Variants in GARNL3 observed in about 807,000 individuals in gnomAD.
GARNL3 encodes the protein GTPase-activating Rap/Ran-GAP domain-like protein 3.
Under a neutral mutation model 125.0 loss-of-function variants are expected in GARNL3, and 63 were observed. That is an observed-to-expected ratio of 0.50 (90% CI 0.41 to 0.62). GARNL3 has a LOEUF of 0.62. GARNL3 is among the 20% of genes least tolerant of loss of function. GARNL3 has a pLI of 0.00. For missense variants in GARNL3, 994 were observed against 1,244.0 expected (o/e 0.80, Z 3.02); for synonymous variants, 439 against 457.5 (o/e 0.96, Z 0.52).
At chr9:127,246,642 C>T (rs1055113119) in intron 2 of GARNL3, among the ~76,000 whole-genome samples, 11 of 152,124 alleles carry the variant, frequency 7.2e-5, no homozygotes, top group Non-Finnish European at 1.6e-4. Flanking sequence ...CCCGTCTCTA[C>T]TAAAAATACA....
chr9:127,293,345 A>G (rs2064483500), intron 2 of GARNL3, among the ~76,000 whole-genome samples: 1 of 152,208 alleles, frequency 6.6e-6, no homozygotes, highest in African/African-American at 2.4e-5. Flanking sequence ...TTTTTTATAT[A>G]GTCTGGATAA....
intron 1 of GARNL3, among the ~76,000 whole-genome samples, chr9:127,285,768 T>C (rs538721552): frequency 6.6e-6 from 1 of 152,334 alleles, no homozygotes; most frequent in South Asian, 2.1e-4. Flanking sequence ...TTATTTGATG[T>C]CTTTTTCTCC....
At chr9:127,344,666 G>A (rs973340967) in intron 15 of GARNL3, among the ~76,000 whole-genome samples, 1 of 152,184 alleles carries the variant, frequency 6.6e-6, no homozygotes, top group Non-Finnish European at 1.5e-5. Context: ...AGAGTGAGGA[G>A]CCGATTTGGG....
intron 3 of GARNL3, 62 bp from the exon 4 acceptor site, chr9:127,313,379 T>C (rs2065147358): frequency 3.4e-6 from 4 of 1,172,316 alleles, no homozygotes; most frequent in Non-Finnish European, 5.2e-6. Context: ...TGCAGTGTCC[T>C]CTACCATCTG....
intron 22 of GARNL3, among the ~76,000 whole-genome samples, chr9:127,374,732 C>T (rs1225233686): frequency 6.6e-6 from 1 of 151,996 alleles, no homozygotes; most frequent in Non-Finnish European, 1.5e-5. Flanking sequence ...TAAATAAGCA[C>T]ATGAAAAGGT....
At position 127,231,237 on chromosome 9, in the gene GARNL3, T is replaced by A. The variant is rs1042251984; in HGVS notation, c.-29+6899T>A. Among the ~76,000 whole-genome samples the A allele has an allele frequency of 1.2e-3, 171 of 139,332 alleles. 2 individuals are homozygous for A. The highest frequency in any genetic ancestry group is 4.5e-3 in the African/African-American group (167 of 37,118). 91.4% of individuals were successfully genotyped at this position (139,332 alleles called of 152,430 possible). On this transcript the variant is annotated intron_variant, in intron 1 of 10. Transcript: ENST00000439286. ...GCCCAGCTAATTTTTTGTTTTTTTT[T>A]TTTTTTTTGTATTTTTAGTAGAGAC...
At chr9:127,331,587 T>C (rs926236888) in intron 7 of GARNL3, among the ~76,000 whole-genome samples, 5 of 152,012 alleles carry the variant, frequency 3.3e-5, no homozygotes, top group African/African-American at 9.7e-5. Context: ...CCTGCCCCTG[T>C]TCCTCTGTCT....
intron 21 of GARNL3, chr9:127,362,623 T>C (rs1373045365): frequency 6.6e-6 from 1 of 152,194 alleles, no homozygotes; most frequent in Admixed American, 6.5e-5. Flanking sequence ...CTAGCTGAGA[T>C]AGTGAAGTAA....
Position 127,343,308 on chromosome 9 carries a change from A to G in GARNL3, c.1252-927A>G, listed in dbSNP as rs369781227. On this transcript the variant is annotated intron_variant, in intron 14 of 27. Transcript: ENST00000373387. ...CCAGGACCCTAAAGAGCAAACCTCAATTGGTAATCTCTCAATTCCGTAAGG... is the reference window on the plus strand; with the variant it reads ...CCAGGACCCTAAAGAGCAAACCTCAGTTGGTAATCTCTCAATTCCGTAAGG... Among the ~76,000 whole-genome samples, 25 of 152,264 alleles carry G rather than the reference A, an allele frequency of 1.6e-4. No individual in the cohort carries two copies. In the South Asian group the frequency reaches 4.6e-3, roughly 28 times the overall value.
At chr9:127,254,656 C>T (rs773486644) in intron 2 of GARNL3, among the ~76,000 whole-genome samples, 2 of 152,010 alleles carry the variant, frequency 1.3e-5, no homozygotes, top group Non-Finnish European at 2.9e-5. Context: ...GTAATCCCAG[C>T]CACTCGGGAG....
intron 20 of GARNL3, 71 bp from the exon 21 acceptor site, chr9:127,357,148 C>T (rs1830731110): frequency 2.0e-6 from 3 of 1,471,348 alleles, no homozygotes; most frequent in Non-Finnish European, 2.8e-6. Flanking sequence ...AGGGAATGGG[C>T]AGTGGGGCTT....
intron 2 of GARNL3, among the ~76,000 whole-genome samples, chr9:127,245,097 G>A (rs369025989): frequency 6.6e-6 from 1 of 152,312 alleles, no homozygotes; most frequent in African/African-American, 2.4e-5. Flanking sequence ...GTCCGGGGCG[G>A]GGGGTTGGAG....
chr9:127,299,501 G>A lies in GARNL3; in HGVS notation c.219+8259G>A, dbSNP rs189097682. On this transcript the variant is annotated intron_variant, in intron 2 of 27. Transcript: ENST00000373387. ...TGCAAACTCTGCCTCCCAGGTTCAA[G>A]CGATTCTCCCACCTCAGCTTCCTGA... Among the ~76,000 whole-genome samples the A allele has an allele frequency of 4.0e-4, 61 of 152,288 alleles. No individual in the cohort carries two copies. The East Asian group carries it at 9.1e-3, about 23-fold the overall frequency.
intron 2 of GARNL3, among the ~76,000 whole-genome samples, chr9:127,307,774 T>G (rs966391348): frequency 6.6e-6 from 1 of 152,154 alleles, no homozygotes; most frequent in Admixed American, 6.5e-5. Context: ...TTTTTTTTAA[T>G]GTGTCAAGTA....
At chr9:127,330,383 G>C (rs781522957) in intron 7 of GARNL3, among the ~76,000 whole-genome samples, 1 of 152,216 alleles carries the variant, frequency 6.6e-6, no homozygotes, top group Non-Finnish European at 1.5e-5. Context: ...TCAAATGCTA[G>C]TTTGTAAGGA....
intron 10 of GARNL3, 40 bp from the exon 11 acceptor site, chr9:127,336,088 T>G: frequency 2.8e-6 from 4 of 1,414,574 alleles, no homozygotes; most frequent in African/African-American, 1.4e-5. Flanking sequence ...GTGCCATGTT[T>G]GAGAGTCTTT....
At chr9:127,265,512 T>A (rs2063685169) in intron 1 of GARNL3, among the ~76,000 whole-genome samples, 2 of 152,192 alleles carry the variant, frequency 1.3e-5, no homozygotes, top group African/African-American at 2.4e-5. Context: ...CTATTATGGA[T>A]GATCAATATT....
At chr9:127,286,583 T>C (rs1468916470) in intron 1 of GARNL3, among the ~76,000 whole-genome samples, 1 of 152,244 alleles carries the variant, frequency 6.6e-6, no homozygotes, top group East Asian at 1.9e-4. Flanking sequence ...TTCTCAGTTC[T>C]AGTTTTTGGT....
intron 2 of GARNL3, among the ~76,000 whole-genome samples, chr9:127,308,540 A>G (rs1470758893): frequency 2.0e-5 from 3 of 152,024 alleles, no homozygotes; most frequent in Non-Finnish European, 4.4e-5. Flanking sequence ...AAAATACAAA[A>G]TGGAAACAAA....
Sources: gnomAD v4.1 joint callset for allele counts (sites outside exome capture counted in the v4.1 genomes callset) on GRCh38, gnomAD v4.1.1 for gene constraint, MANE v1.5 for transcripts, NCBI Gene and HGNC (gene_info 2026-07-23, HGNC 2026-07-21) for gene names.